TRHDE: variants seen among roughly 807,000 people sequenced by gnomAD.
TRHDE encodes thyrotropin-releasing hormone-degrading ectoenzyme.
TRHDE carries 72 observed loss-of-function variants against 125.7 expected under a neutral mutation model. The observed-to-expected ratio is 0.57, with a 90% CI of 0.47 to 0.70. TRHDE has a LOEUF of 0.70. Ranked by LOEUF, TRHDE falls within the 30% of genes least tolerant of loss-of-function variation. The pLI is 0.00. For synonymous variants in TRHDE, 509 were observed against 509.1 expected, an observed-to-expected ratio of 1.00 and a Z score of 0.00; for missense variants, 1,110 against 1,327.1, an observed-to-expected ratio of 0.84 and a Z score of 2.54.
At chr12:72,378,673 T>C (rs1592402341) in intron 3 of TRHDE, among the ~76,000 whole-genome samples, 1 of 152,316 alleles carries the variant, frequency 6.6e-6, no homozygotes, top group Non-Finnish European at 1.5e-5. Flanking sequence ...TTATTTTTGT[T>C]CAGTCATATA....
At chr12:72,575,634 G>T in intron 12 of TRHDE, 92 bp downstream of exon 12, 1 of 1,205,658 alleles carries the variant, frequency 8.3e-7, no homozygotes, top group South Asian at 1.3e-5. Context: ...TTTTATTTAG[G>T]ACATTTAAAA....
At chr12:72,175,339 C>A (rs145447117) in intron 2 of TRHDE, among the ~76,000 whole-genome samples, 1 of 152,190 alleles carries the variant, frequency 6.6e-6, no homozygotes, top group Non-Finnish European at 1.5e-5. Flanking sequence ...CTCTTCCTTA[C>A]CAGAACAAAT....
intron 2 of TRHDE, among the ~76,000 whole-genome samples, chr12:72,122,450 C>A (rs1228914355): frequency 6.6e-6 from 1 of 152,070 alleles, no homozygotes; most frequent in Non-Finnish European, 1.5e-5. Context: ...AATAAATCAG[C>A]AGGATATTCT....
chr12:72,316,326 G>A (rs1440128304), intron 2 of TRHDE, among the ~76,000 whole-genome samples: 2 of 152,144 alleles, frequency 1.3e-5, no homozygotes, highest in African/African-American at 2.4e-5. Flanking sequence ...TGAGCGCATT[G>A]CCTGTAAACA....
chr12:72,508,428 G>A (rs1290374511), intron 6 of TRHDE, among the ~76,000 whole-genome samples: 2 of 152,212 alleles, frequency 1.3e-5, no homozygotes, highest in Admixed American at 1.3e-4. Flanking sequence ...TGGAGTCAAA[G>A]GAGGATATTC....
chr12:72,437,593 TCTTCAAAG>T (rs1874803214), intron 3 of TRHDE, among the ~76,000 whole-genome samples: 1 of 151,872 alleles, frequency 6.6e-6, no homozygotes, highest in Non-Finnish European at 1.5e-5. Context: ...ATGGTAGAAA[TCTTCAAAG>T]TATACAAGTG....
chr12:72,541,440 TGAGA>T (rs1462755938), intron 6 of TRHDE, among the ~76,000 whole-genome samples: 2 of 151,582 alleles, frequency 1.3e-5, no homozygotes, highest in African/African-American at 4.8e-5. Context: ...GTTCTCAAGA[TGAGA>T]GAGACTCTTT....
At chr12:72,348,340 T>C (rs1870426289) in intron 2 of TRHDE, among the ~76,000 whole-genome samples, 1 of 152,028 alleles carries the variant, frequency 6.6e-6, no homozygotes, top group South Asian at 2.1e-4. Context: ...GGTGAGTGCA[T>C]GCTACACCAC....
chr12:72,547,320 A>G (rs1014117070), intron 7 of TRHDE, among the ~76,000 whole-genome samples: 15 of 151,752 alleles, frequency 9.9e-5, no homozygotes, highest in Non-Finnish European at 1.9e-4. Flanking sequence ...AAGGAAATCA[A>G]ATCAACAATT....
intron 3 of TRHDE, among the ~76,000 whole-genome samples, chr12:72,413,416 G>GA (rs1565732126): frequency 6.6e-6 from 1 of 150,844 alleles, no homozygotes; most frequent in Admixed American, 6.6e-5. Flanking sequence ...GATTCAGTAT[G>GA]AAAAAAGAAT....
chr12:72,246,739 C>A (rs147505384), intron 2 of TRHDE, among the ~76,000 whole-genome samples: 1 of 152,290 alleles, frequency 6.6e-6, no homozygotes, highest in African/African-American at 2.4e-5. Context: ...TTGGAAAAGT[C>A]ATTTTCTTCT....
At chr12:72,374,167 C>G (rs537145554) in intron 2 of TRHDE, among the ~76,000 whole-genome samples, 2 of 151,882 alleles carry the variant, frequency 1.3e-5, no homozygotes, top group Non-Finnish European at 2.9e-5. Flanking sequence ...TGCTGACTAA[C>G]TGAACATGGA....
At position 72,338,751 on chromosome 12, in the gene TRHDE, C is replaced by T. The variant is rs1020298703; in HGVS notation, c.1189-39244C>T. ...CTTATGGTGATGTAACTTAAGTCCA[C>T]GGGGAAGACATATTCTAGATAAATT... On this transcript the variant is annotated intron_variant, in intron 2 of 18. Transcript: ENST00000261180. 5.3e-5 allele frequency among the ~76,000 whole-genome samples: 8 copies of T among 152,158 alleles called. No homozygotes were observed. In the East Asian group the frequency reaches 9.7e-4, roughly 18 times the overall value.
At chr12:72,503,947 G>C (rs1235607118) in intron 6 of TRHDE, among the ~76,000 whole-genome samples, 1 of 152,212 alleles carries the variant, frequency 6.6e-6, no homozygotes, top group Admixed American at 6.5e-5. Context: ...CTCATCCTCT[G>C]TGATGTGAGA....
chr12:72,500,316 TTAA>T (rs1466152334), intron 6 of TRHDE, among the ~76,000 whole-genome samples: 1 of 152,190 alleles, frequency 6.6e-6, no homozygotes, highest in Non-Finnish European at 1.5e-5. Context: ...CACTAGCCAC[TTAA>T]TAATAGTTAA....
chr12:72,638,757 C>T (rs1158316534), intron 15 of TRHDE, among the ~76,000 whole-genome samples: 2 of 151,792 alleles, frequency 1.3e-5, no homozygotes, highest in South Asian at 2.1e-4. Context: ...TTCTCCTTCA[C>T]TTATGAAGCT....
chr12:72,479,287 A>G (rs1877048025), intron 5 of TRHDE, among the ~76,000 whole-genome samples: 1 of 152,166 alleles, frequency 6.6e-6, no homozygotes, highest in African/African-American at 2.4e-5. Flanking sequence ...TGTAGTTCTT[A>G]TATAAAAATC....
At chr12:72,594,998 T>G (rs1871866303) in intron 12 of TRHDE, among the ~76,000 whole-genome samples, 1 of 150,118 alleles carries the variant, frequency 6.7e-6, no homozygotes, top group Non-Finnish European at 1.5e-5. Context: ...TCATTCTCAG[T>G]AAACTATTGC....
chr12:72,232,150 C>G (rs369400310), intron 2 of TRHDE, among the ~76,000 whole-genome samples: 1 of 152,104 alleles, frequency 6.6e-6, no homozygotes, highest in East Asian at 1.9e-4. Flanking sequence ...CCAGGCCATG[C>G]AGGGCAACAT....
Sources: gnomAD v4.1 joint callset for allele counts (sites outside exome capture counted in the v4.1 genomes callset) on GRCh38, gnomAD v4.1.1 for gene constraint, MANE v1.5 for transcripts, NCBI Gene and HGNC (gene_info 2026-07-23, HGNC 2026-07-21) for gene names.